Variants in KRT72 observed in about 807,000 individuals in gnomAD.
KRT72 encodes the protein keratin, type II cytoskeletal 72.
KRT72 carries 44 observed loss-of-function variants against 44.7 expected under a neutral mutation model. That is an observed-to-expected ratio of 0.98 (90% CI 0.77 to 1.27). The LOEUF is 1.27. Ranked by LOEUF, KRT72 falls within the 50% of genes most tolerant of loss-of-function variation. The probability of loss-of-function intolerance (pLI) is 0.00; values close to 1 mark genes in which losing one functional copy is unlikely to be tolerated. For synonymous variants in KRT72, 302 were observed against 280.4 expected (o/e 1.08, Z -0.77); for missense variants, 736 against 667.1 (o/e 1.10, Z -1.14).
At chr12:52,587,996 G>A (rs1434462098) in intron 6 of KRT72, 145 bp from the exon 7 acceptor site, 2 of 736,866 alleles carry the variant, frequency 2.7e-6, no homozygotes, top group Admixed American at 2.7e-5. Flanking sequence ...CCCTAGAGGT[G>A]AGTCTGTCCT....
chr12:52,599,240 C>A (rs566588790), intron 1 of KRT72, 128 bp from the exon 2 acceptor site: 1 of 838,676 alleles, frequency 1.2e-6, no homozygotes, highest in Admixed American at 2.0e-5. Flanking sequence ...AGGCTTATCC[C>A]GGGGTGGATT....
rs773921666 is a variant in KRT72, at chr12:52,592,384, C to A, written c.798+12G>T. On this transcript the variant is annotated intron_variant, in intron 4 of 8. Coordinates refer to ENST00000293745, the MANE Select transcript of KRT72 (RefSeq NM_080747.3). Reference sequence around the variant, plus strand: ...GAGCAGATCTCACAAGAGAGGTCAGCCAAGTCCTTACCCCTTCATAAAGGC... The same window carrying A: ...GAGCAGATCTCACAAGAGAGGTCAGACAAGTCCTTACCCCTTCATAAAGGC... The A allele has an allele frequency of 2.5e-6, 4 of 1,579,286 alleles. No individual in the cohort carries two copies. Among genetic ancestry groups the A allele is most frequent in the Non-Finnish European group, 3.5e-6 (4 of 1,148,616 alleles).
At position 52,599,797 on chromosome 12, in the gene KRT72, C is replaced by T. The variant is rs868434765; in HGVS notation, c.427-685G>A. Among the ~76,000 whole-genome samples, 49 of 152,286 alleles carry T rather than the reference C, an allele frequency of 3.2e-4. No homozygotes were observed. In the Middle Eastern group the frequency reaches 0.014, roughly 42 times the overall value. The stretch of plus-strand genomic sequence containing the variant: ...CTCCCGCCACCTCAATTCCTCTTCC[C>T]TAGCATAGTGGTGACACTCGGTCCA... On this transcript the variant is annotated intron_variant, in intron 1 of 8. Coordinates refer to ENST00000293745, the MANE Select transcript of KRT72 (RefSeq NM_080747.3).
chr12:52,588,594 G>A (rs2120725130), intron 6 of KRT72, among the ~76,000 whole-genome samples: 1 of 151,484 alleles, frequency 6.6e-6, no homozygotes, highest in African/African-American at 2.5e-5. Flanking sequence ...GTGATGGGTT[G>A]ATAGGTGCAG....
Position 52,585,804 on chromosome 12 carries a change from C to A in KRT72, c.*178G>T. The A allele has an allele frequency of 1.6e-6, 1 of 625,824 alleles. No homozygotes were observed. The highest frequency in any genetic ancestry group is 1.8e-5 in the African/African-American group (1 of 54,478). The allele number at this position is 625,824 out of a possible 1,614,324, so 38.8% of individuals were successfully genotyped here. On this transcript the variant is annotated 3_prime_UTR_variant, in exon 9 of 9. Transcript: ENST00000293745. ...AAGAAGGAGGCCACTGAGAGAGCTC[C>A]TGACTGGACTCCTTGCATCGAAGCA...
At chr12:52,594,535 A>G (rs1465992940) in intron 2 of KRT72, among the ~76,000 whole-genome samples, 1 of 151,922 alleles carries the variant, frequency 6.6e-6, no homozygotes, top group Non-Finnish European at 1.5e-5. Flanking sequence ...GCATGTTCTC[A>G]CTCACAGGTA....
Position 52,601,253 on chromosome 12 carries a change from C to T in KRT72, c.200G>A (p.Gly67Asp). The T allele has an allele frequency of 6.4e-7, 1 of 1,565,078 alleles. No individual in the cohort carries two copies. The highest frequency in any genetic ancestry group is 8.7e-7 in the Non-Finnish European group (1 of 1,155,406). ...CACGAAGCCGCCCAGGCGGCCGCCGCCCCGCCGTGCAGCAGCGCTGAGCGC... is the reference window on the plus strand; with the variant it reads ...CACGAAGCCGCCCAGGCGGCCGCCGTCCCGCCGTGCAGCAGCGCTGAGCGC... The part of the protein sequence containing the change: ...SLALSAAARR[G>D]GGRLGGFVGT... The change falls in exon 1 of 9, where the codon GGC becomes GAC. Residue 67 changes from glycine to aspartate, a missense_variant. Physicochemically the swap from Gly to Asp is moderately conservative, Grantham distance 94. Coordinates refer to ENST00000293745, the MANE Select transcript of KRT72 (RefSeq NM_080747.3).
chr12:52,590,794 A>G, intron 6 of KRT72, 42 bp downstream of exon 6: 1 of 1,531,646 alleles, frequency 6.5e-7, no homozygotes, highest in Non-Finnish European at 8.9e-7. Context: ...CCAGATTGTG[A>G]CTCAATAAAT....
At chr12:52,600,641 C>T (rs1940399766) in intron 1 of KRT72, among the ~76,000 whole-genome samples, 1 of 152,192 alleles carries the variant, frequency 6.6e-6, no homozygotes. Context: ...TTTTCTCTGG[C>T]CGCCGCCATA....
chr12:52,601,063 C>T lies in KRT72; in HGVS notation c.390G>A (p.Lys130=), dbSNP rs1311520026. 1.9e-6 allele frequency: 3 copies of T among 1,612,492 alleles called. No individual in the cohort carries two copies. In the Admixed American group the frequency reaches 5.0e-5, roughly 27 times the overall value. The change falls in exon 1 of 9, where the codon AAG becomes AAA. Residue 130 remains lysine, a synonymous_variant. Transcript: ENST00000293745. ...RVRAQEREQI[K]ALNNKFASFI... Reference sequence around the variant, plus strand: ...AGGAGGCGAACTTGTTGTTTAGCGCCTTGATCTGCTCCCGCTCCTGGGCGC... The same window carrying T: ...AGGAGGCGAACTTGTTGTTTAGCGCTTTGATCTGCTCCCGCTCCTGGGCGC...
chr12:52,596,822 A>ATT (rs1410070891), intron 2 of KRT72, among the ~76,000 whole-genome samples: 2 of 152,178 alleles, frequency 1.3e-5, no homozygotes, highest in African/African-American at 4.8e-5. Flanking sequence ...AAGTGCTGGG[A>ATT]TTACAGGCCA....
intron 2 of KRT72, among the ~76,000 whole-genome samples, chr12:52,595,025 C>G (rs1208413990): frequency 1.3e-5 from 2 of 151,734 alleles, no homozygotes; most frequent in Non-Finnish European, 2.9e-5. Flanking sequence ...TAATGTCTAC[C>G]CCCTCTTAAT....
chr12:52,598,603 A>G (rs942048109), intron 2 of KRT72, among the ~76,000 whole-genome samples: 1 of 152,234 alleles, frequency 6.6e-6, no homozygotes. Flanking sequence ...GGGAACTGCC[A>G]TGGAAAACTT....
intron 7 of KRT72, 74 bp downstream of exon 7, chr12:52,587,557 A>G (rs565810442): frequency 6.6e-7 from 1 of 1,519,672 alleles, no homozygotes; most frequent in South Asian, 1.1e-5. Context: ...AACAGGACCA[A>G]ACTGTTTGCC....
rs556946430 is a variant in KRT72 at position 52,593,188 on chromosome 12, C to T, written c.642-236G>A. On this transcript the variant is annotated intron_variant, in intron 2 of 8. Transcript: ENST00000293745. ...TTAAAACTACCTGCCTCAGAGAGCA[C>T]CTGTGGTTGAGATGTCATGCAGACT... is the stretch of plus-strand genomic sequence containing the variant. 5.9e-5 allele frequency among the ~76,000 whole-genome samples: 9 copies of T among 152,316 alleles called. No individual in the cohort carries two copies. The East Asian group carries it at 1.7e-3, about 29-fold the overall frequency.
chr12:52,590,520 T>A (rs1939961005), intron 6 of KRT72, among the ~76,000 whole-genome samples: 1 of 152,202 alleles, frequency 6.6e-6, no homozygotes, highest in Non-Finnish European at 1.5e-5. Flanking sequence ...CCTGCACACG[T>A]GCTGTGCACA....
intron 1 of KRT72, chr12:52,599,491 C>A (rs1592234220): frequency 2.2e-6 from 1 of 459,668 alleles, no homozygotes; most frequent in East Asian, 6.8e-5. Context: ...TTAGAGCGTT[C>A]CTCCTGTTGT....
intron 7 of KRT72, 136 bp from the exon 8 acceptor site, chr12:52,587,116 C>T: frequency 1.3e-6 from 1 of 764,748 alleles, no homozygotes; most frequent in Non-Finnish European, 2.3e-6. Flanking sequence ...TCTTCCCACA[C>T]ATCCCAGTGC....
Position 52,601,312 on chromosome 12 carries a change from C to G in KRT72, c.141G>C (p.Lys47Asn). The change falls in exon 1 of 9, where the codon AAG becomes AAC. Residue 47 changes from lysine to asparagine, a missense_variant. Coordinates refer to ENST00000293745, the MANE Select transcript of KRT72 (RefSeq NM_080747.3). ...GGCTGCCCCCAAGGCAGGAGAGGCT[C>G]TTGCTGCCAAAGGAGGCCGAGCCCT... ...RVKGSASFGS[K>N]SLSCLGGSRS... is the part of the protein sequence containing the mutation. 6.5e-7 allele frequency: 1 copy of G among 1,547,742 alleles called. No individual in the cohort carries two copies. The highest frequency in any genetic ancestry group is 8.7e-7 in the Non-Finnish European group (1 of 1,147,386).
Sources: allele counts gnomAD v4.1 joint callset (sites outside exome capture counted in the v4.1 genomes callset), GRCh38; gene constraint gnomAD v4.1.1; transcripts MANE v1.5; gene names NCBI Gene and HGNC (gene_info 2026-07-23, HGNC 2026-07-21).